Variants in COL4A2 observed in about 807,000 individuals in gnomAD.
COL4A2 encodes collagen alpha-2(IV) chain.
A neutral mutation model predicts 200.2 loss-of-function variants in COL4A2; 99 were observed. The observed-to-expected ratio is 0.49, with a 90% CI of 0.42 to 0.58. The LOEUF (loss-of-function observed/expected upper bound fraction) is 0.58, where lower values mean the gene tolerates loss of function less well. Among genes scored for constraint, COL4A2 ranks in the 20% least tolerant of loss-of-function variants. The pLI is 0.00. For synonymous variants in COL4A2, 897 were observed against 900.6 expected, an observed-to-expected ratio of 1.00 and a Z score of 0.07; for missense variants, 1,950 against 2,314.1, an observed-to-expected ratio of 0.84 and a Z score of 3.23.
chr13:110,460,491 A>G (rs549230989), intron 22 of COL4A2, among the ~76,000 whole-genome samples: 380 of 152,306 alleles, frequency 2.5e-3, no homozygotes, highest in South Asian at 6.2e-3. Context: ...AGCTAGTAGG[A>G]TCCTCAGTTG....
chr13:110,467,243 C>A (rs1402399776), intron 27 of COL4A2, 147 bp downstream of exon 27: 3 of 1,041,746 alleles, frequency 2.9e-6, no homozygotes, highest in Non-Finnish European at 4.0e-6. Flanking sequence ...ACTGGTCTTG[C>A]GCCTACAGGG....
At chr13:110,310,097 CAGAGGCCAAGTGCCCTAAGGCAGATA>C (rs1354114739) in intron 3 of COL4A2, among the ~76,000 whole-genome samples, 4 of 152,246 alleles carry the variant, frequency 2.6e-5, no homozygotes, top group Admixed American at 2.6e-4. Context: ...TACGGCTTCA[CAGAGGCCAAGTGCCCTAAGGCAGATA>C]GGACACCTCT....
intron 6 of COL4A2, among the ~76,000 whole-genome samples, chr13:110,427,144 G>T (rs1215427800): frequency 1.3e-5 from 2 of 152,166 alleles, no homozygotes; most frequent in Admixed American, 6.5e-5. Flanking sequence ...GGGTTTTGAG[G>T]TTTGTTTGTT....
At chr13:110,421,643 T>C (rs575862831) in intron 4 of COL4A2, among the ~76,000 whole-genome samples, 11 of 152,116 alleles carry the variant, frequency 7.2e-5, no homozygotes, top group Non-Finnish European at 1.5e-4. Context: ...TAGATAGAGG[T>C]GGTGGTCACA....
At chr13:110,474,967 C>G (rs1388073833) in intron 29 of COL4A2, among the ~76,000 whole-genome samples, 1 of 151,364 alleles carries the variant, frequency 6.6e-6, no homozygotes. Context: ...CACACACGTA[C>G]ATACCCACAC....
intron 4 of COL4A2, among the ~76,000 whole-genome samples, chr13:110,367,163 T>A (rs1006555293): frequency 6.6e-6 from 1 of 152,152 alleles, no homozygotes. Context: ...ACTGTGAGCG[T>A]GTGAAAAATC....
chr13:110,425,459 T>G (rs77718955), intron 6 of COL4A2, among the ~76,000 whole-genome samples: 397 of 152,296 alleles, frequency 2.6e-3, no homozygotes, highest in African/African-American at 9.1e-3. Context: ...GAGAAAAATC[T>G]CAAAATGCAA....
intron 4 of COL4A2, among the ~76,000 whole-genome samples, chr13:110,397,158 C>T (rs1174231130): frequency 6.6e-6 from 1 of 152,208 alleles, no homozygotes; most frequent in African/African-American, 2.4e-5. Flanking sequence ...CTCCTCTGGC[C>T]GACTGTTTAT....
In COL4A2 at chr13:110,512,303, AGG is replaced by A; in HGVS notation, c.*113_*114del. The A allele has an allele frequency of 7.0e-7, 1 of 1,433,408 alleles. No individual in the cohort carries two copies. The highest frequency in any genetic ancestry group is 9.1e-7 in the Non-Finnish European group (1 of 1,095,840). 88.8% of individuals were successfully genotyped at this position (1,433,408 alleles called of 1,614,324 possible). On this transcript the variant is annotated 3_prime_UTR_variant, in exon 48 of 48. Transcript: ENST00000360467. ...TCTTAAAAAAAAAAAAGTCTACCAA[AGG>A]AATTTGCATCCAGCAGCAGCACTTA... is the stretch of plus-strand genomic sequence containing the variant.
intron 3 of COL4A2, 70 bp from the exon 4 acceptor site, chr13:110,357,402 A>G (rs777363416): frequency 3.4e-5 from 52 of 1,539,190 alleles, no homozygotes; most frequent in Non-Finnish European, 4.5e-5. Context: ...TCAACAGATG[A>G]TATTTTAATA....
chr13:110,438,416 C>T, intron 14 of COL4A2: 1 of 732,690 alleles, frequency 1.4e-6, no homozygotes, highest in Non-Finnish European at 2.4e-6. Context: ...ACATGCAGTC[C>T]TGGATGGGTG....
chr13:110,450,923 G>A lies in COL4A2; in HGVS notation c.1339+469G>A, dbSNP rs997563693. ...CCTTGATAATCTGCCTTCTCAGCCC[G>A]TGCACAGCCAAAGCTACAACTGAAC... On this transcript the variant is annotated intron_variant, in intron 20 of 47. Coordinates refer to ENST00000360467, the MANE Select transcript of COL4A2 (RefSeq NM_001846.4). Among the ~76,000 whole-genome samples the A allele has an allele frequency of 1.1e-4, 17 of 152,270 alleles. No individual in the cohort carries two copies. In the Middle Eastern group the frequency reaches 0.014, roughly 122 times the overall value.
chr13:110,323,393 A>AG (rs1295444839), intron 3 of COL4A2, among the ~76,000 whole-genome samples: 1 of 152,188 alleles, frequency 6.6e-6, no homozygotes, highest in Admixed American at 6.5e-5. Flanking sequence ...CATCGGGATG[A>AG]GGGCCCCCCC....
intron 3 of COL4A2, among the ~76,000 whole-genome samples, chr13:110,351,894 C>T: frequency 6.6e-6 from 1 of 152,182 alleles, no homozygotes; most frequent in Non-Finnish European, 1.5e-5. Context: ...GCCAATGCGC[C>T]TGGGAAGCCA....
At chr13:110,331,875 A>G (rs1416896723) in intron 3 of COL4A2, among the ~76,000 whole-genome samples, 1 of 151,266 alleles carries the variant, frequency 6.6e-6, no homozygotes, top group Non-Finnish European at 1.5e-5. Context: ...CCACTTGGGA[A>G]CTCTTTGTAT....
intron 29 of COL4A2, among the ~76,000 whole-genome samples, chr13:110,477,208 A>G (rs4338653): frequency 1 from 151,752 of 152,318 alleles, 75,601 homozygotes; most frequent in Middle Eastern, 1. Context: ...GAAAGAAAGA[A>G]AAGATATGAG....
chr13:110,475,023 C>T lies in COL4A2; in HGVS notation c.2425+1873C>T, dbSNP rs1003120633. On this transcript the variant is annotated intron_variant, in intron 29 of 47. Transcript: ENST00000360467. ...ACATGATCGTACACTCATACACACACGTACATACCCACTCGTGCCTATGCA... is the reference window on the plus strand; with the variant it reads ...ACATGATCGTACACTCATACACACATGTACATACCCACTCGTGCCTATGCA... 4.6e-5 allele frequency among the ~76,000 whole-genome samples: 7 copies of T among 152,176 alleles called. No individual in the cohort carries two copies. The East Asian group carries it at 5.8e-4, about 13-fold the overall frequency.
chr13:110,398,252 A>G (rs1234945291), intron 4 of COL4A2, among the ~76,000 whole-genome samples: 1 of 152,216 alleles, frequency 6.6e-6, no homozygotes. Context: ...TTTCAAAATA[A>G]TAAAATACAT....
chr13:110,507,871 TG>T, intron 46 of COL4A2, 63 bp from the exon 47 acceptor site: 2 of 1,544,152 alleles, frequency 1.3e-6, no homozygotes, highest in Non-Finnish European at 8.9e-7. Flanking sequence ...TGGGCCTGGC[TG>T]GGGCTGGCAG....
Sources: gnomAD v4.1 joint callset for allele counts (sites outside exome capture counted in the v4.1 genomes callset) on GRCh38, gnomAD v4.1.1 for gene constraint, MANE v1.5 for transcripts, NCBI Gene and HGNC (gene_info 2026-07-23, HGNC 2026-07-21) for gene names.